Variants in NEXMIF observed in about 807,000 individuals in gnomAD.
NEXMIF encodes the protein XLMR protein related to neurite extension.
NEXMIF carries 8 observed loss-of-function variants against 62.1 expected under a neutral mutation model. That is an observed-to-expected ratio of 0.13 (90% CI 0.08 to 0.23). NEXMIF has a LOEUF of 0.23. Ranked by LOEUF, NEXMIF falls within the 10% of genes least tolerant of loss-of-function variation. The pLI is 1.00. For missense variants in NEXMIF, 976 were observed against 1,113.3 expected (o/e 0.88, Z 1.75); for synonymous variants, 404 against 416.6 (o/e 0.97, Z 0.37).
chrX:74,770,824 TCA>T (rs1219070326), intron 1 of NEXMIF, among the ~76,000 whole-genome samples: 3 of 112,320 alleles, frequency 2.7e-5, no homozygotes, highest in African/African-American at 9.7e-5. Context: ...TTTCTCAGCT[TCA>T]GTTTTTTATT....
chrX:74,850,006 G>A (rs2080507300), intron 1 of NEXMIF, among the ~76,000 whole-genome samples: 3 of 112,492 alleles, frequency 2.7e-5, no homozygotes, highest in Non-Finnish European at 5.6e-5. Context: ...CCCTGGCTCT[G>A]CCAACACAGC....
chrX:74,919,479 T>C (rs2080818784), intron 1 of NEXMIF, among the ~76,000 whole-genome samples: 1 of 111,528 alleles, frequency 9.0e-6, no homozygotes, highest in Admixed American at 9.5e-5. Context: ...CAAAATTCTT[T>C]TCCAAACTGG....
In NEXMIF at chrX:74,813,532, C is replaced by A. The variant is rs184688081; in HGVS notation, c.-47-67835G>T. ...TGGGTAAAGTTGAAACCAGTGTTCTCTTCAAGACAATAAGCATCCTGTGAA... is the reference window on the plus strand; with the variant it reads ...TGGGTAAAGTTGAAACCAGTGTTCTATTCAAGACAATAAGCATCCTGTGAA... On this transcript the variant is annotated intron_variant, in intron 1 of 3. Coordinates refer to ENST00000055682, the MANE Select transcript of NEXMIF (RefSeq NM_001008537.3). Among the ~76,000 whole-genome samples, 365 of 112,021 alleles carry A rather than the reference C, an allele frequency of 3.3e-3. 2 individuals carry two copies. The highest frequency in any genetic ancestry group is 0.011 in the African/African-American group (348 of 30,890).
Position 74,744,108 on chromosome X carries a change from A to C in NEXMIF, c.449T>G (p.Phe150Cys), listed in dbSNP as rs1400266650. Reference sequence around the variant, plus strand: ...ATCTACTGCATCCTTGGATTCCATGAAGCAGCCTAAGCAAGTCCGACTTGG... The same window carrying C: ...ATCTACTGCATCCTTGGATTCCATGCAGCAGCCTAAGCAAGTCCGACTTGG... The part of the protein sequence containing the change: ...MQPSRTCLGC[F>C]MESKDAVDPE... Residue 150 changes from phenylalanine (F) to cysteine (C), a missense_variant, in exon 3 of 4, where the codon TTC becomes TGC. Transcript: ENST00000055682. The C allele has an allele frequency of 8.3e-7, 1 of 1,211,631 alleles. No homozygotes were observed. Among genetic ancestry groups the C allele is most frequent in the Admixed American group, 2.2e-5 (1 of 46,013 alleles).
At chrX:74,816,169 A>G (rs2080375481) in intron 1 of NEXMIF, among the ~76,000 whole-genome samples, 2 of 111,552 alleles carry the variant, frequency 1.8e-5, no homozygotes, top group Non-Finnish European at 3.8e-5. Context: ...TCTTTCTTTA[A>G]ACTCCAGAGT....
At chrX:74,750,096 G>A (rs12689586) in intron 1 of NEXMIF, among the ~76,000 whole-genome samples, 7,121 of 111,017 alleles carry the variant, frequency 0.064, 260 homozygotes, top group African/African-American at 0.14. Context: ...GACAGAGGGG[G>A]GGAAGATAGG....
intron 1 of NEXMIF, among the ~76,000 whole-genome samples, chrX:74,750,678 T>G (rs181036035): frequency 1.8e-5 from 2 of 111,726 alleles, no homozygotes; most frequent in East Asian, 5.7e-4. Flanking sequence ...GGGAGCACAT[T>G]CTAATCCATA....
chrX:74,922,340 GTGT>G (rs1569369716), intron 1 of NEXMIF, among the ~76,000 whole-genome samples: 13 of 3,207 alleles, frequency 4.1e-3, no homozygotes, highest in Non-Finnish European at 9.9e-3. Flanking sequence ...TGTTATGGGT[GTGT>G]GTGTGTGTGT....
At chrX:74,851,827 C>CA (rs773693130) in intron 1 of NEXMIF, among the ~76,000 whole-genome samples, 255 of 110,996 alleles carry the variant, frequency 2.3e-3, no homozygotes, top group Non-Finnish European at 3.6e-3. Context: ...CAAACAAGGA[C>CA]AAAAAAGGAC....
chrX:74,897,837 C>T (rs2080737316), intron 1 of NEXMIF, among the ~76,000 whole-genome samples: 1 of 111,897 alleles, frequency 8.9e-6, no homozygotes, highest in Admixed American at 9.5e-5. Context: ...CAAAGGGACA[C>T]AGGAGTCAAC....
intron 1 of NEXMIF, among the ~76,000 whole-genome samples, chrX:74,763,045 C>T (rs1011327236): frequency 2.7e-5 from 3 of 111,654 alleles, no homozygotes; most frequent in Non-Finnish European, 5.6e-5. Flanking sequence ...CTTGCCCATG[C>T]CTATGTCCTG....
chrX:74,869,197 T>C (rs1180955379), intron 1 of NEXMIF, among the ~76,000 whole-genome samples: 1 of 111,943 alleles, frequency 8.9e-6, no homozygotes, highest in Non-Finnish European at 1.9e-5. Flanking sequence ...TCATACATTG[T>C]AGCAATAGAA....
At chrX:74,776,792 T>C (rs997589543) in intron 1 of NEXMIF, among the ~76,000 whole-genome samples, 26 of 104,917 alleles carry the variant, frequency 2.5e-4, no homozygotes, top group African/African-American at 8.0e-4. Context: ...AATGAATGAG[T>C]CGACTTTTCA....
At position 74,887,080 on chromosome X, in the gene NEXMIF, A is replaced by G. The variant is rs752641526; in HGVS notation, c.-48+37803T>C. ...TTCCCTATTTAATAAATGGTGCTGG[A>G]AAAACTGGCTAGCCAGATGTAGAAA... On this transcript the variant is annotated intron_variant, in intron 1 of 3. Transcript: ENST00000055682. Among the ~76,000 whole-genome samples the G allele has an allele frequency of 1.6e-4, 18 of 112,313 alleles. No homozygotes were observed. In the South Asian group the frequency reaches 4.1e-3, roughly 25 times the overall value.
rs191964806 is a variant in NEXMIF, at chrX:74,835,530, C to T, written c.-48+89353G>A. Among the ~76,000 whole-genome samples, 9 of 112,117 alleles carry T rather than the reference C, an allele frequency of 8.0e-5. No homozygotes were observed. In the East Asian group the frequency reaches 2.5e-3, roughly 31 times the overall value. On this transcript the variant is annotated intron_variant, in intron 1 of 3. Coordinates refer to ENST00000055682, the MANE Select transcript of NEXMIF (RefSeq NM_001008537.3). The stretch of plus-strand genomic sequence containing the variant: ...TTTTGCAGACTCATAAGAGGTACCA[C>T]CTTGGTGGTCTTAAATAAAATCTGG...
intron 1 of NEXMIF, among the ~76,000 whole-genome samples, chrX:74,776,554 C>T (rs374498003): frequency 2.7e-5 from 3 of 109,507 alleles, no homozygotes; most frequent in Non-Finnish European, 3.8e-5. Flanking sequence ...GGTGAAACCC[C>T]GTCTCTACTA....
chrX:74,855,374 A>G (rs2080531112), intron 1 of NEXMIF, among the ~76,000 whole-genome samples: 1 of 112,267 alleles, frequency 8.9e-6, no homozygotes, highest in African/African-American at 3.2e-5. Context: ...AGAAGAAGGA[A>G]ACTGGATCCC....
intron 1 of NEXMIF, among the ~76,000 whole-genome samples, chrX:74,777,876 C>T (rs999850075): frequency 2.7e-5 from 3 of 111,582 alleles, no homozygotes; most frequent in African/African-American, 9.8e-5. Context: ...TCCCAAAAAG[C>T]ATTACTGAAA....
chrX:74,857,148 G>C (rs1301308354), intron 1 of NEXMIF, among the ~76,000 whole-genome samples: 1 of 111,930 alleles, frequency 8.9e-6, no homozygotes, highest in Non-Finnish European at 1.9e-5. Flanking sequence ...AGAGCTAGTG[G>C]GCTTGGAGGG....
Sources: gnomAD v4.1 joint callset for allele counts (sites outside exome capture counted in the v4.1 genomes callset) on GRCh38, gnomAD v4.1.1 for gene constraint, MANE v1.5 for transcripts, NCBI Gene and HGNC (gene_info 2026-07-23, HGNC 2026-07-21) for gene names.